Variants in HEG1 observed in about 807,000 individuals in gnomAD.
The protein encoded by HEG1 is heart development protein with EGF like domains 1.
HEG1 carries 56 observed loss-of-function variants against 125.6 expected under a neutral mutation model. That is an observed-to-expected ratio of 0.45 (90% CI 0.36 to 0.56). The LOEUF is 0.56. HEG1 is among the 20% of genes least tolerant of loss of function. HEG1 has a pLI of 0.00. For missense variants in HEG1, 1,523 were observed against 1,670.0 expected, an observed-to-expected ratio of 0.91 and a Z score of 1.53; for synonymous variants, 644 against 668.5, an observed-to-expected ratio of 0.96 and a Z score of 0.57.
At chr3:125,055,327 A>G (rs1937908393) in intron 1 of HEG1, among the ~76,000 whole-genome samples, 1 of 152,014 alleles carries the variant, frequency 6.6e-6, no homozygotes, top group African/African-American at 2.4e-5. Context: ...GATACAGGGT[A>G]CCCCATAGGA....
intron 14 of HEG1, among the ~76,000 whole-genome samples, chr3:124,986,923 A>G (rs1291633032): frequency 6.6e-6 from 1 of 152,194 alleles, no homozygotes; most frequent in Non-Finnish European, 1.5e-5. Context: ...GAAAAAAATT[A>G]CCAGTGCCAC....
intron 1 of HEG1, among the ~76,000 whole-genome samples, chr3:125,042,552 C>T (rs956088155): frequency 2.0e-5 from 3 of 152,208 alleles, no homozygotes; most frequent in African/African-American, 7.2e-5. Context: ...GAGAGCTGGA[C>T]CATGTTAATA....
At chr3:125,009,927 G>A (rs758933939) in intron 7 of HEG1, 103 bp from the exon 8 acceptor site, 66 of 1,192,326 alleles carry the variant, frequency 5.5e-5, no homozygotes, top group Non-Finnish European at 6.4e-5. Context: ...TGCTAGGTGT[G>A]GTGAGACCCC....
At chr3:125,019,724 G>A (rs916300251) in intron 4 of HEG1, 127 bp from the exon 5 acceptor site, 1 of 683,742 alleles carries the variant, frequency 1.5e-6, no homozygotes, top group South Asian at 1.9e-5. Flanking sequence ...TTTATTAAAT[G>A]TATTATGCAC....
chr3:125,009,894 A>G, intron 7 of HEG1, 70 bp from the exon 8 acceptor site: 2 of 1,493,840 alleles, frequency 1.3e-6, no homozygotes, highest in African/African-American at 1.4e-5. Context: ...CAGTGTAGTA[A>G]GTACTTACTA....
chr3:125,000,976 T>C (rs1206714794), intron 11 of HEG1, among the ~76,000 whole-genome samples: 1 of 152,244 alleles, frequency 6.6e-6, no homozygotes, highest in Non-Finnish European at 1.5e-5. Context: ...AGTTGAGTTT[T>C]CCTGTCCTGG....
intron 5 of HEG1, among the ~76,000 whole-genome samples, chr3:125,018,849 T>C (rs1937291036): frequency 1.3e-5 from 2 of 151,234 alleles, no homozygotes; most frequent in South Asian, 4.2e-4. Context: ...TGAGGAGTTA[T>C]TTCATTCATG....
chr3:125,000,507 A>C (rs1936984680), intron 11 of HEG1, among the ~76,000 whole-genome samples: 1 of 152,224 alleles, frequency 6.6e-6, no homozygotes, highest in Non-Finnish European at 1.5e-5. Flanking sequence ...GTAAAACCAT[A>C]GAGTCTCAAA....
At chr3:124,984,800 CA>C (rs1936712201) in intron 14 of HEG1, among the ~76,000 whole-genome samples, 1 of 151,714 alleles carries the variant, frequency 6.6e-6, no homozygotes, top group Non-Finnish European at 1.5e-5. Flanking sequence ...AAAAACAAAA[CA>C]AAAACAAACA....
chr3:124,999,824 C>CT (rs762009894), intron 11 of HEG1, among the ~76,000 whole-genome samples: 4 of 152,236 alleles, frequency 2.6e-5, no homozygotes, highest in Non-Finnish European at 5.9e-5. Context: ...CAATGAGACT[C>CT]TAAGTAAATC....
At chr3:125,048,731 G>A (rs960034415) in intron 1 of HEG1, among the ~76,000 whole-genome samples, 2 of 152,216 alleles carry the variant, frequency 1.3e-5, no homozygotes, top group African/African-American at 2.4e-5. Context: ...TACATTTTAA[G>A]AAGATCACTC....
In HEG1 at chr3:125,019,414, C is replaced by A; in HGVS notation, c.1436G>T (p.Gly479Val). 1 of 1,614,034 alleles carries A rather than the reference C, an allele frequency of 6.2e-7. No individual in the cohort carries two copies. Among genetic ancestry groups the A allele is most frequent in the Non-Finnish European group, 8.5e-7 (1 of 1,179,888 alleles). Residue 479 changes from glycine to valine, a missense_variant, in exon 5 of 17, where the codon GGT (glycine) becomes GTT (valine). Transcript: ENST00000311127. ...CTGGGTCAACACTGAAGCATTCACACCTTCAGGATATGAAGCAGAGCTTCC... is the reference window on the plus strand; with the variant it reads ...CTGGGTCAACACTGAAGCATTCACAACTTCAGGATATGAAGCAGAGCTTCC... ...VTGSSASYPE[G>V]VNASVLTQFS...
intron 9 of HEG1, among the ~76,000 whole-genome samples, chr3:125,004,576 A>G (rs960749274): frequency 6.6e-6 from 1 of 151,970 alleles, no homozygotes; most frequent in African/African-American, 2.4e-5. Context: ...CACAGCCTCA[A>G]CCTCTGGGGC....
intron 1 of HEG1, among the ~76,000 whole-genome samples, chr3:125,042,520 A>T (rs1937601798): frequency 6.6e-6 from 1 of 152,238 alleles, no homozygotes; most frequent in Non-Finnish European, 1.5e-5. Flanking sequence ...TCAGGTATAG[A>T]ATCTACCTCA....
intron 1 of HEG1, among the ~76,000 whole-genome samples, chr3:125,040,444 A>C (rs942692116): frequency 1.3e-5 from 2 of 152,176 alleles, no homozygotes; most frequent in African/African-American, 4.8e-5. Flanking sequence ...CTGGTAGAAG[A>C]AAGATGAAGG....
intron 3 of HEG1, among the ~76,000 whole-genome samples, chr3:125,024,299 T>C (rs1198952955): frequency 6.6e-6 from 1 of 152,246 alleles, no homozygotes; most frequent in Non-Finnish European, 1.5e-5. Context: ...TGAAATTGTA[T>C]GCTTACTTTA....
intron 1 of HEG1, among the ~76,000 whole-genome samples, chr3:125,030,401 A>T (rs1937481831): frequency 6.6e-6 from 1 of 152,252 alleles, no homozygotes; most frequent in Non-Finnish European, 1.5e-5. Flanking sequence ...ATAGATGTTC[A>T]TTACAGCATT....
At chr3:124,982,092 G>T (rs1936665242) in intron 14 of HEG1, among the ~76,000 whole-genome samples, 2 of 152,082 alleles carry the variant, frequency 1.3e-5, no homozygotes, top group Admixed American at 1.3e-4. Flanking sequence ...TAGAGAGATG[G>T]AGTTTCACCA....
chr3:124,994,662 C>T (rs972010972), intron 12 of HEG1, among the ~76,000 whole-genome samples: 16 of 152,096 alleles, frequency 1.1e-4, no homozygotes, highest in South Asian at 6.2e-4. Context: ...TGCACCACCA[C>T]GCCCAGCTAA....
Sources: gnomAD v4.1 joint callset for allele counts (sites outside exome capture counted in the v4.1 genomes callset) on GRCh38, gnomAD v4.1.1 for gene constraint, MANE v1.5 for transcripts, NCBI Gene and HGNC (gene_info 2026-07-23, HGNC 2026-07-21) for gene names.